CNIH4: variants seen among roughly 807,000 people sequenced by gnomAD.
CNIH4 encodes protein cornichon homolog 4.
A neutral mutation model predicts 21.5 loss-of-function variants in CNIH4; 9 were observed. That is an observed-to-expected ratio of 0.42 (90% CI 0.25 to 0.73). The LOEUF (loss-of-function observed/expected upper bound fraction) is 0.73, where lower values mean the gene tolerates loss of function less well. Among genes scored for constraint, CNIH4 ranks in the 30% least tolerant of loss-of-function variants. The pLI, the probability that CNIH4 is intolerant of heterozygous loss-of-function variation, is 0.27. For missense variants in CNIH4, 159 were observed against 170.0 expected (o/e 0.94, Z 0.36); for synonymous variants, 67 against 59.1 (o/e 1.13, Z -0.61).
chr1:224,371,770 C>A lies in CNIH4; in HGVS notation c.392+347C>A, dbSNP rs112623354. 2.0e-5 allele frequency among the ~76,000 whole-genome samples: 3 copies of A among 152,268 alleles called. No individual in the cohort carries two copies. The South Asian group carries it at 6.2e-4, about 32-fold the overall frequency. ...CCAGCCTGACCAACATGGAGAAACA[C>A]CGACTCTACTAAAAATACAAAATTA... On this transcript the variant is annotated intron_variant, in intron 4 of 4. Coordinates refer to ENST00000465271, the MANE Select transcript of CNIH4 (RefSeq NM_014184.4).
rs1046110536 is a variant in CNIH4 at position 224,379,095 on chromosome 1, C to G, written c.*3273C>G. 5.8e-6 allele frequency: 9 copies of G among 1,550,530 alleles called. No individual in the cohort carries two copies. Among genetic ancestry groups the G allele is most frequent in the Non-Finnish European group, 7.8e-6 (9 of 1,146,946 alleles). ...GGTAGCAACTGCCCTTGCTAATCAC[C>G]GTAACCTCGGCTGAGAAAGAAGAGG... is the stretch of plus-strand genomic sequence containing the variant. On this transcript the variant is annotated 3_prime_UTR_variant, in exon 5 of 5. Coordinates refer to ENST00000465271, the MANE Select transcript of CNIH4 (RefSeq NM_014184.4).
In CNIH4 at chr1:224,375,904, A is replaced by T; in HGVS notation, c.*82A>T. The stretch of plus-strand genomic sequence containing the variant: ...AGAGACTTCTTAAATCATCCTTAGA[A>T]CCGTGACCATAGCAGTATATATTTT... On this transcript the variant is annotated 3_prime_UTR_variant, in exon 5 of 5. Transcript: ENST00000465271. 6.3e-7 allele frequency: 1 copy of T among 1,575,104 alleles called. No homozygotes were observed. The highest frequency in any genetic ancestry group is 8.6e-7 in the Non-Finnish European group (1 of 1,158,786).
At chr1:224,357,314 C>T (rs1204023222) in intron 1 of CNIH4, 2 of 265,190 alleles carry the variant, frequency 7.5e-6, no homozygotes, top group South Asian at 9.3e-5. Context: ...CCCCGCGGCG[C>T]CCGGACCAGC....
chr1:224,358,597 C>A (rs925642111), intron 1 of CNIH4, among the ~76,000 whole-genome samples: 2 of 151,970 alleles, frequency 1.3e-5, no homozygotes, highest in African/African-American at 4.8e-5. Flanking sequence ...TTTTTAAGTT[C>A]ATCAGCTATC....
Position 224,378,045 on chromosome 1 carries a change from GTAGT to G in CNIH4, c.*2226_*2229del, listed in dbSNP as rs1257001139. ...AAAGCCAGGAAAGTGGGGGATCACTGTAGTTAAATTTTTTTTTTTTTTAATTAGA... is the reference window on the plus strand; with the variant it reads ...AAAGCCAGGAAAGTGGGGGATCACTGTAAATTTTTTTTTTTTTTAATTAGA... On this transcript the variant is annotated 3_prime_UTR_variant, in exon 5 of 5. Transcript: ENST00000465271. 1 of 151,892 alleles carries G rather than the reference GTAGT, an allele frequency of 6.6e-6. No homozygotes were observed. The highest frequency in any genetic ancestry group is 1.5e-5 in the Non-Finnish European group (1 of 68,004). 9.4% of individuals were successfully genotyped at this position (151,892 alleles called of 1,614,324 possible).
intron 1 of CNIH4, among the ~76,000 whole-genome samples, chr1:224,357,882 T>C (rs1042830238): frequency 2.0e-5 from 3 of 152,248 alleles, no homozygotes; most frequent in Non-Finnish European, 2.9e-5. Context: ...CATCTAGGCT[T>C]AGTTGTTGCC....
chr1:224,375,834 C>G lies in CNIH4; in HGVS notation c.*12C>G. The stretch of plus-strand genomic sequence containing the variant: ...TGATAAATGACTGAAGCTGGAGAAG[C>G]CGTGGTTGAAGTCAGCCTACACTAC... On this transcript the variant is annotated 3_prime_UTR_variant, in exon 5 of 5. Transcript: ENST00000465271. The G allele has an allele frequency of 6.2e-7, 1 of 1,614,010 alleles. No individual in the cohort carries two copies. The highest frequency in any genetic ancestry group is 8.5e-7 in the Non-Finnish European group (1 of 1,179,956).
intron 2 of CNIH4, among the ~76,000 whole-genome samples, 199 bp downstream of exon 2, chr1:224,360,762 T>C (rs897578583): frequency 6.6e-6 from 1 of 152,186 alleles, no homozygotes; most frequent in African/African-American, 2.4e-5. Flanking sequence ...AAATTTTGTT[T>C]CTTTATATGT....
At chr1:224,369,665 C>T (rs1455173167) in intron 3 of CNIH4, among the ~76,000 whole-genome samples, 1 of 150,338 alleles carries the variant, frequency 6.7e-6, no homozygotes, top group Non-Finnish European at 1.5e-5. Flanking sequence ...ACCCCGTTTA[C>T]CCTGATGTGA....
At chr1:224,361,880 C>A (rs944425773) in intron 2 of CNIH4, among the ~76,000 whole-genome samples, 1 of 152,196 alleles carries the variant, frequency 6.6e-6, no homozygotes, top group African/African-American at 2.4e-5. Context: ...CCACTGCGCC[C>A]AGCCTCATGT....
intron 1 of CNIH4, among the ~76,000 whole-genome samples, chr1:224,358,582 AT>A (rs138005081): frequency 4.6e-5 from 7 of 151,604 alleles, no homozygotes; most frequent in South Asian, 2.1e-4. Context: ...TTTTTTGGTG[AT>A]TTTTTTTTAA....
In CNIH4 at chr1:224,371,332, A is replaced by G; in HGVS notation, c.301A>G (p.Ile101Val). 2 of 1,614,172 alleles carry G rather than the reference A, an allele frequency of 1.2e-6. No homozygotes were observed. The highest frequency in any genetic ancestry group is 1.7e-6 in the Non-Finnish European group (2 of 1,180,014). ...GNMGVFDPTE[I>V]HNRGQLKSHM... ...CATGGGAGTGTTTGATCCAACAGAA[A>G]TACACAATCGAGGGCAGCTGAAGTC... Residue 101 changes from isoleucine (I) to valine (V), a missense_variant, in exon 4 of 5, where the codon ATA becomes GTA. Ile to Val is a conservative substitution (Grantham distance 29). Transcript: ENST00000465271.
rs777482220 is a variant in CNIH4, at chr1:224,356,883, G to T, written c.-42G>T. 3.9e-6 allele frequency: 6 copies of T among 1,557,696 alleles called. No individual in the cohort carries two copies. In the South Asian group the frequency reaches 5.8e-5, roughly 15 times the overall value. ...CTATCAGGGGTGGGTCGGGGCATCC[G>T]AGCGGGTTTGACGGAAGGAGCGGCG... On this transcript the variant is annotated 5_prime_UTR_variant, in exon 1 of 5. Coordinates refer to ENST00000465271, the MANE Select transcript of CNIH4 (RefSeq NM_014184.4).
At chr1:224,360,785 G>A (rs549968910) in intron 2 of CNIH4, among the ~76,000 whole-genome samples, 1 of 152,182 alleles carries the variant, frequency 6.6e-6, no homozygotes, top group African/African-American at 2.4e-5. Context: ...CTTGTCTCTT[G>A]TTTACAGCGG....
chr1:224,365,759 A>G (rs188264097), intron 2 of CNIH4, 120 bp from the exon 3 acceptor site: 1 of 728,756 alleles, frequency 1.4e-6, no homozygotes, highest in African/African-American at 1.7e-5. Context: ...GGGAGTCTAA[A>G]AATAATCTTG....
chr1:224,368,193 G>A (rs1672521416), intron 3 of CNIH4, among the ~76,000 whole-genome samples: 1 of 152,156 alleles, frequency 6.6e-6, no homozygotes, highest in Non-Finnish European at 1.5e-5. Context: ...TTAGCTGGGC[G>A]TGGTGGCATG....
intron 4 of CNIH4, among the ~76,000 whole-genome samples, chr1:224,373,893 AGGTTT>A (rs1672707911): frequency 6.6e-6 from 1 of 152,182 alleles, no homozygotes; most frequent in Admixed American, 6.5e-5. Context: ...ATTTTGGGGC[AGGTTT>A]AAGATATTGT....
intron 3 of CNIH4, among the ~76,000 whole-genome samples, chr1:224,367,001 C>T (rs985076203): frequency 4.6e-5 from 7 of 150,604 alleles, no homozygotes; most frequent in African/African-American, 1.5e-4. Flanking sequence ...GGTAACTAAT[C>T]AAAATTTTTT....
intron 3 of CNIH4, 119 bp from the exon 4 acceptor site, chr1:224,371,164 A>G (rs1672612984): frequency 9.7e-7 from 1 of 1,032,668 alleles, no homozygotes; most frequent in South Asian, 1.7e-5. Flanking sequence ...GGCATGAGCC[A>G]CAGTACTGGG....
Sources: gnomAD v4.1 joint callset for allele counts (sites outside exome capture counted in the v4.1 genomes callset) on GRCh38, gnomAD v4.1.1 for gene constraint, MANE v1.5 for transcripts, NCBI Gene and HGNC (gene_info 2026-07-23, HGNC 2026-07-21) for gene names.